The following MTCL1 variants were observed in gnomAD, a reference collection of about 807,000 sequenced individuals.
MTCL1 encodes microtubule cross-linking factor 1.
Under a neutral mutation model 141.4 loss-of-function variants are expected in MTCL1, and 79 were observed. The observed-to-expected ratio is 0.56, with a 90% CI of 0.47 to 0.67. The LOEUF is 0.67. Ranked by LOEUF, MTCL1 falls within the 30% of genes least tolerant of loss-of-function variation. The pLI is 0.00. For synonymous variants in MTCL1, 914 were observed against 875.8 expected, an observed-to-expected ratio of 1.04 and a Z score of -0.77; for missense variants, 2,177 against 2,113.9, an observed-to-expected ratio of 1.03 and a Z score of -0.59.
chr18:8,774,068 G>A (rs924873992), intron 4 of MTCL1, among the ~76,000 whole-genome samples: 6 of 152,140 alleles, frequency 3.9e-5, no homozygotes, highest in African/African-American at 1.4e-4. Context: ...CTCCGCCCTC[G>A]CAGTGGAGAG....
At chr18:8,749,541 G>A (rs985735444) in intron 4 of MTCL1, among the ~76,000 whole-genome samples, 2 of 152,252 alleles carry the variant, frequency 1.3e-5, no homozygotes, top group Admixed American at 1.3e-4. Context: ...TGGAGGAAGA[G>A]TGAAGTGAGA....
Position 8,831,700 on chromosome 18 carries a change from C to A in MTCL1, c.*112C>A, listed in dbSNP as rs181786619. The A allele has an allele frequency of 3.2e-4, 498 of 1,550,646 alleles. 1 individual carries two copies. In the African/African-American group the frequency reaches 5.9e-3, roughly 18 times the overall value. On this transcript the variant is annotated 3_prime_UTR_variant, in exon 17 of 17. Coordinates refer to ENST00000359865, the Ensembl canonical transcript of MTCL1. Reference sequence around the variant, plus strand: ...CCGTCGCCCTCCGTCCCGTTGGGCCCCACATTCCCCCACTGCCTCACAGCC... The same window carrying A: ...CCGTCGCCCTCCGTCCCGTTGGGCCACACATTCCCCCACTGCCTCACAGCC...
At chr18:8,829,123 TG>T (rs2040778483) in intron 16 of MTCL1, 1 of 985,328 alleles carries the variant, frequency 1.0e-6, no homozygotes, top group Non-Finnish European at 1.2e-6. Flanking sequence ...AGGAACAGAT[TG>T]ATAAGGCCAG....
At chr18:8,715,346 T>C (rs1379663350), upstream of MTCL1, among the ~76,000 whole-genome samples, 5 of 152,204 alleles carry the variant, frequency 3.3e-5, no homozygotes, top group Admixed American at 1.3e-4. Context: ...TAGGGCTATA[T>C]TGCATTTTAA....
At chr18:8,818,322 A>G (rs2076728092) in intron 12 of MTCL1, among the ~76,000 whole-genome samples, 1 of 151,496 alleles carries the variant, frequency 6.6e-6, no homozygotes, top group African/African-American at 2.4e-5. Context: ...CAGGGAAAAA[A>G]GTATGACTCT....
intron 8 of MTCL1, among the ~76,000 whole-genome samples, chr18:8,794,522 G>A (rs77759267): frequency 0.065 from 9,823 of 152,224 alleles, 830 homozygotes; most frequent in African/African-American, 0.19. Context: ...CCCGTGGTGC[G>A]GGTCCGGGTG....
At chr18:8,712,667 G>A (rs2096101087), upstream of MTCL1, among the ~76,000 whole-genome samples, 3 of 152,192 alleles carry the variant, frequency 2.0e-5, no homozygotes, top group African/African-American at 7.2e-5. Context: ...GTAGACAAGG[G>A]CTGCGGCCAC....
chr18:8,760,595 A>C (rs573212864), intron 4 of MTCL1, among the ~76,000 whole-genome samples: 16 of 152,310 alleles, frequency 1.1e-4, no homozygotes, highest in African/African-American at 3.6e-4. Context: ...TAATGCTTGC[A>C]GTGTTTTCCT....
intron 4 of MTCL1, among the ~76,000 whole-genome samples, chr18:8,750,955 C>CTGG (rs908225042): frequency 2.0e-5 from 3 of 152,116 alleles, no homozygotes; most frequent in African/African-American, 2.4e-5. Context: ...GGCCTGAGTG[C>CTGG]TGGGTAGGGT....
At chr18:8,713,140 A>T (rs1017208117), upstream of MTCL1, among the ~76,000 whole-genome samples, 6 of 152,322 alleles carry the variant, frequency 3.9e-5, no homozygotes, top group East Asian at 1.2e-3. Context: ...AATTTGAGAT[A>T]CATGATAAGG....
In MTCL1 at chr18:8,783,653, A is replaced by C. The variant is rs751066893; in HGVS notation, c.541A>C (p.Lys181Gln). 14 of 1,613,008 alleles carry C rather than the reference A, an allele frequency of 8.7e-6. No homozygotes were observed. The Middle Eastern group carries it at 6.6e-4, about 76-fold the overall frequency. Reference sequence around the variant, plus strand: ...GCTGGAGCAGGAGCTCCAGAAGTACAAGTCCCTCTATGGGGATGTGGACAG... The same window carrying C: ...GCTGGAGCAGGAGCTCCAGAAGTACCAGTCCCTCTATGGGGATGTGGACAG... Residue 181 changes from lysine to glutamine, a missense_variant, in exon 6 of 17, where the codon AAG becomes CAG. Physicochemically the swap from Lys to Gln is moderately conservative, Grantham distance 53. Coordinates refer to ENST00000359865, the Ensembl canonical transcript of MTCL1.
chr18:8,824,043 G>C (rs1347213835), intron 14 of MTCL1, among the ~76,000 whole-genome samples: 7 of 152,176 alleles, frequency 4.6e-5, no homozygotes, highest in Admixed American at 4.6e-4. Flanking sequence ...CAGCTGGAGG[G>C]ATTCCAGGCC....
chr18:8,708,577 C>T (rs535272781), intron 1 of MTCL1, among the ~76,000 whole-genome samples: 4 of 152,214 alleles, frequency 2.6e-5, no homozygotes, highest in Non-Finnish European at 5.9e-5. Flanking sequence ...AGAGCCTCTG[C>T]CCATTTTACT....
rs942064883 is a variant in MTCL1, at chr18:8,793,812, G to T, written c.2010+692G>T. ...TGTCTTTAAAACGAAACAAAGCAAA[G>T]CGGTTGATCTTGAATAGAGCACGTT... On this transcript the variant is annotated intron_variant, in intron 8 of 16. Coordinates refer to ENST00000359865, the Ensembl canonical transcript of MTCL1. Among the ~76,000 whole-genome samples the T allele has an allele frequency of 2.6e-5, 4 of 152,186 alleles. No homozygotes were observed. The South Asian group carries it at 8.3e-4, about 31-fold the overall frequency.
intron 11 of MTCL1, chr18:8,811,011 A>C (rs537189282): frequency 3.9e-5 from 6 of 152,046 alleles, no homozygotes; most frequent in Non-Finnish European, 5.9e-5. Flanking sequence ...TTGTGAGCAA[A>C]AACTTCCAGT....
chr18:8,731,489 G>C (rs546475568), intron 4 of MTCL1, among the ~76,000 whole-genome samples: 13 of 151,844 alleles, frequency 8.6e-5, no homozygotes, highest in Non-Finnish European at 1.6e-4. Flanking sequence ...CAAGAGAATC[G>C]CTTGAACCTG....
chr18:8,824,395 C>T (rs1439493865), intron 14 of MTCL1, among the ~76,000 whole-genome samples: 2 of 152,220 alleles, frequency 1.3e-5, no homozygotes, highest in Non-Finnish European at 2.9e-5. Flanking sequence ...GGCACTGAGG[C>T]CTCAAGTGAT....
At position 8,775,138 on chromosome 18, in the gene MTCL1, G is replaced by A. The variant is rs560344118; in HGVS notation, c.358-2695G>A. Among the ~76,000 whole-genome samples, 109 of 152,294 alleles carry A rather than the reference G, an allele frequency of 7.2e-4. No individual in the cohort carries two copies. The South Asian group carries it at 0.012, about 17-fold the overall frequency. Reference sequence around the variant, plus strand: ...AGTGCGTACATTGGGAGAATGTGATGAAAGCCAGGGACAGCAGGCTCTGCC... The same window carrying A: ...AGTGCGTACATTGGGAGAATGTGATAAAAGCCAGGGACAGCAGGCTCTGCC... On this transcript the variant is annotated intron_variant, in intron 4 of 16. Coordinates refer to ENST00000359865, the Ensembl canonical transcript of MTCL1.
Position 8,784,847 on chromosome 18 carries a change from AG to A in MTCL1, c.1731+9del, listed in dbSNP as rs1412035593. 13 of 1,577,312 alleles carry A rather than the reference AG, an allele frequency of 8.2e-6. No homozygotes were observed. Among genetic ancestry groups the A allele is most frequent in the Non-Finnish European group, 1.0e-5 (12 of 1,159,662 alleles). ...GGAGCTGGGCCCAGACTTGCAGGTA[AG>A]GGGGCTCGTGGCTTCGCCTCCCTGC... On this transcript the variant is annotated splice_donor_5th_base_variant and intron_variant, in intron 6 of 16. Coordinates refer to ENST00000359865, the Ensembl canonical transcript of MTCL1.
Sources: allele counts gnomAD v4.1 joint callset (sites outside exome capture counted in the v4.1 genomes callset), GRCh38; gene constraint gnomAD v4.1.1; transcripts MANE v1.5; gene names NCBI Gene and HGNC (gene_info 2026-07-23, HGNC 2026-07-21).